FAT3: variants seen among roughly 807,000 people sequenced by gnomAD.
FAT3 encodes protocadherin Fat 3.
A neutral mutation model predicts 310.2 loss-of-function variants in FAT3; 95 were observed. The ratio of observed to expected loss-of-function variants is 0.31; its 90% confidence interval spans 0.26 to 0.36. The LOEUF is 0.36. Ranked by LOEUF, FAT3 falls within the 10% of genes least tolerant of loss-of-function variation. The pLI, the probability that FAT3 is intolerant of heterozygous loss-of-function variation, is 1.00. For missense variants in FAT3, 5,408 were observed against 5,715.6 expected (o/e 0.95, Z 1.74); for synonymous variants, 2,314 against 2,192.9 (o/e 1.06, Z -1.54).
In FAT3 at chr11:92,272,494, G is replaced by A. The variant is rs116670540; in HGVS notation, c.-18+47320G>A. Among the ~76,000 whole-genome samples, 1,398 of 152,144 alleles carry A rather than the reference G, an allele frequency of 9.2e-3. 18 individuals are homozygous for A. The highest frequency in any genetic ancestry group is 0.032 in the African/African-American group (1,313 of 41,532). On this transcript the variant is annotated intron_variant, in intron 1 of 27. Coordinates refer to ENST00000525166, the MANE Select transcript of FAT3 (RefSeq NM_001367949.2). ...TGAGACATGGATCCTATTGCTCAAG[G>A]AGCTTCTAATGAATAATATAATATA...
At chr11:92,395,964 A>C (rs539449540) in intron 2 of FAT3, among the ~76,000 whole-genome samples, 72 of 152,226 alleles carry the variant, frequency 4.7e-4, no homozygotes, top group African/African-American at 1.7e-3. Context: ...CTTGTACAGC[A>C]GTATAAATTC....
At chr11:92,802,758 A>G (rs1314797947) in intron 10 of FAT3, among the ~76,000 whole-genome samples, 2 of 152,244 alleles carry the variant, frequency 1.3e-5, no homozygotes, top group Non-Finnish European at 2.9e-5. Flanking sequence ...AGAATCATCA[A>G]TACTTGTAGT....
chr11:92,850,114 C>T (rs1418816783), intron 19 of FAT3, among the ~76,000 whole-genome samples: 2 of 152,172 alleles, frequency 1.3e-5, no homozygotes, highest in East Asian at 3.8e-4. Flanking sequence ...TGGGTTTGCA[C>T]TTTGGCCGGG....
At chr11:92,358,605 C>G (rs993391188) in intron 2 of FAT3, among the ~76,000 whole-genome samples, 1 of 152,104 alleles carries the variant, frequency 6.6e-6, no homozygotes, top group African/African-American at 2.4e-5. Flanking sequence ...AACCATCTTT[C>G]TTTCTCTCCT....
intron 3 of FAT3, among the ~76,000 whole-genome samples, chr11:92,667,002 CT>C (rs1388508612): frequency 6.6e-6 from 1 of 152,034 alleles, no homozygotes; most frequent in Non-Finnish European, 1.5e-5. Flanking sequence ...TCTAGTCCAG[CT>C]TTGTTTCCAG....
At position 92,808,874 on chromosome 11, in the gene FAT3, C is replaced by A. The variant is rs373003592; in HGVS notation, c.9248-969C>A. ...CCAGGAGGCAGAGCTTGCAGTGAGC[C>A]GAGATCATGCCACTGCACTCCAGCC... On this transcript the variant is annotated intron_variant, in intron 12 of 27. Transcript: ENST00000525166. 2.0e-5 allele frequency among the ~76,000 whole-genome samples: 3 copies of A among 151,852 alleles called. No individual in the cohort carries two copies. The East Asian group carries it at 5.8e-4, about 29-fold the overall frequency.
intron 3 of FAT3, among the ~76,000 whole-genome samples, chr11:92,591,756 G>T (rs1214694532): frequency 2.0e-5 from 3 of 152,138 alleles, no homozygotes; most frequent in Non-Finnish European, 4.4e-5. Context: ...CATTTTAGCT[G>T]CAGGCAGAAT....
chr11:92,860,145 AAAAC>A (rs988393880), intron 21 of FAT3, among the ~76,000 whole-genome samples: 25 of 152,226 alleles, frequency 1.6e-4, no homozygotes, highest in African/African-American at 5.5e-4. Context: ...ACTCTTTCTC[AAAAC>A]AAACAAACAA....
intron 2 of FAT3, among the ~76,000 whole-genome samples, chr11:92,481,962 A>G (rs916165872): frequency 1.3e-5 from 2 of 152,192 alleles, no homozygotes; most frequent in South Asian, 2.1e-4. Context: ...ATTTTACTCC[A>G]TAGAGATAAT....
At chr11:92,462,833 G>A (rs913054151) in intron 2 of FAT3, among the ~76,000 whole-genome samples, 1 of 152,184 alleles carries the variant, frequency 6.6e-6, no homozygotes, top group African/African-American at 2.4e-5. Context: ...AAAAGTGTTT[G>A]TCTTATTCCC....
chr11:92,867,805 G>A (rs1211016735), intron 22 of FAT3, among the ~76,000 whole-genome samples: 1 of 152,040 alleles, frequency 6.6e-6, no homozygotes, highest in African/African-American at 2.4e-5. Context: ...TAAGGAGAAG[G>A]GAATTTACTA....
At chr11:92,748,393 G>C (rs1772672794) in intron 4 of FAT3, among the ~76,000 whole-genome samples, 1 of 152,054 alleles carries the variant, frequency 6.6e-6, no homozygotes, top group Non-Finnish European at 1.5e-5. Flanking sequence ...GATTTGGGTG[G>C]GGATAAAGCC....
intron 3 of FAT3, among the ~76,000 whole-genome samples, chr11:92,606,943 G>A (rs1013943748): frequency 6.6e-6 from 1 of 152,166 alleles, no homozygotes; most frequent in Non-Finnish European, 1.5e-5. Flanking sequence ...TCATTACCAT[G>A]ACTCTGACAT....
At chr11:92,628,127 G>A (rs1388857382) in intron 3 of FAT3, among the ~76,000 whole-genome samples, 1 of 152,182 alleles carries the variant, frequency 6.6e-6, no homozygotes, top group African/African-American at 2.4e-5. Flanking sequence ...ACCATAATGG[G>A]CCATGAGCGA....
intron 2 of FAT3, among the ~76,000 whole-genome samples, chr11:92,460,405 AG>A (rs1359850552): frequency 4.6e-5 from 7 of 152,208 alleles, no homozygotes; most frequent in Non-Finnish European, 8.8e-5. Context: ...TCTAACCCAC[AG>A]GCGAACGGCA....
At position 92,867,078 on chromosome 11, in the gene FAT3, A is replaced by G. The variant is rs560620396; in HGVS notation, c.11996A>G (p.Gln3999Arg). ...CTGAATAACAATGAGCTGCCGCTGC[A>G]GAACAAGCGCAGCAGCTTCGCGGAG... is the stretch of plus-strand genomic sequence containing the variant. ...VILNNNELPL[Q>R]NKRSSFAEVV... Residue 3999 changes from glutamine (Q) to arginine (R), a missense_variant, in exon 22 of 28, where the codon CAG (glutamine) becomes CGG (arginine). Physicochemically the swap from Gln to Arg is conservative, Grantham distance 43 (BLOSUM62 1). This residue lies in a region of FAT3 where 4,588 missense variants were observed against 4,809.8 expected (regional missense o/e 0.95). Transcript: ENST00000525166. 8 of 1,593,872 alleles carry G rather than the reference A, an allele frequency of 5.0e-6. No individual in the cohort carries two copies. The highest frequency in any genetic ancestry group is 1.8e-5 in the Admixed American group (1 of 56,718).
Position 92,836,557 on chromosome 11 carries a change from T to C in FAT3, c.10087-9T>C, listed in dbSNP as rs1948414059. The stretch of plus-strand genomic sequence containing the variant: ...TGTCTTTTCTTTGTTTTGCTTGTTT[T>C]CCATGAAGCTAATAGCAGAAGATGT... On this transcript the variant is annotated splice_polypyrimidine_tract_variant and intron_variant, in intron 15 of 27. Coordinates refer to ENST00000525166, the MANE Select transcript of FAT3 (RefSeq NM_001367949.2). The C allele has an allele frequency of 6.2e-7, 1 of 1,610,680 alleles. No individual in the cohort carries two copies. Among genetic ancestry groups the C allele is most frequent in the Non-Finnish European group, 8.5e-7 (1 of 1,178,974 alleles).
chr11:92,594,971 A>G lies in FAT3; in HGVS notation c.3607+70023A>G, dbSNP rs74327977. Among the ~76,000 whole-genome samples the G allele has an allele frequency of 4.6e-5, 7 of 151,034 alleles. No homozygotes were observed. In the East Asian group the frequency reaches 1.2e-3, roughly 25 times the overall value. ...CCTATTAAGGTGCTCATTCATATAT[A>G]TGAATACATATAGACTCATGAATAA... On this transcript the variant is annotated intron_variant, in intron 3 of 27. Coordinates refer to ENST00000525166, the MANE Select transcript of FAT3 (RefSeq NM_001367949.2).
At chr11:92,786,316 CA>C (rs149569839) in intron 7 of FAT3, among the ~76,000 whole-genome samples, 6,101 of 146,468 alleles carry the variant, frequency 0.042, 280 homozygotes, top group East Asian at 0.21. Flanking sequence ...TTTTGCATGG[CA>C]AAAAAAAACA....
Sources: allele counts gnomAD v4.1 joint callset (sites outside exome capture counted in the v4.1 genomes callset), GRCh38; gene constraint gnomAD v4.1.1; regional missense constraint gnomAD v4.1.1; transcripts MANE v1.5; gene names NCBI Gene and HGNC (gene_info 2026-07-23, HGNC 2026-07-21).